Variants in ADAM18 observed in about 807,000 individuals in gnomAD.
ADAM18 encodes the protein ADAM metallopeptidase domain 18, also known as disintegrin and metalloproteinase domain-containing protein 18.
ADAM18 carries 117 observed loss-of-function variants against 94.4 expected under a neutral mutation model. The observed-to-expected ratio is 1.24, with a 90% CI of 1.07 to 1.45. ADAM18 has a LOEUF of 1.45. Ranked by LOEUF, ADAM18 falls within the 40% of genes most tolerant of loss-of-function variation. The pLI, the probability that ADAM18 is intolerant of heterozygous loss-of-function variation, is 0.00. For synonymous variants in ADAM18, 327 were observed against 291.6 expected, an observed-to-expected ratio of 1.12 and a Z score of -1.24; for missense variants, 936 against 880.0, an observed-to-expected ratio of 1.06 and a Z score of -0.81.
chr8:39,724,977 T>G (rs1474204073), intron 19 of ADAM18, among the ~76,000 whole-genome samples: 3 of 151,902 alleles, frequency 2.0e-5, no homozygotes, highest in Non-Finnish European at 4.4e-5. Flanking sequence ...AGAATTTTTA[T>G]AGGCCTAGTA....
At chr8:39,610,158 A>C (rs1413387349) in intron 5 of ADAM18, among the ~76,000 whole-genome samples, 1 of 152,158 alleles carries the variant, frequency 6.6e-6, no homozygotes, top group Non-Finnish European at 1.5e-5. Flanking sequence ...TATAGATAAC[A>C]ACCTCATTAG....
intron 18 of ADAM18, among the ~76,000 whole-genome samples, chr8:39,719,122 G>A (rs1391051231): frequency 6.6e-6 from 1 of 151,318 alleles, no homozygotes; most frequent in African/African-American, 2.4e-5. Context: ...AGTCAGCGTG[G>A]TACTGTCATT....
chr8:39,620,107 G>A (rs117967896), intron 6 of ADAM18, among the ~76,000 whole-genome samples: 1,938 of 151,514 alleles, frequency 0.013, 23 homozygotes, highest in Non-Finnish European at 0.018. Context: ...ATGTTGCCAA[G>A]AACTCACAAC....
At chr8:39,663,702 T>C in intron 12 of ADAM18, 93 bp from the exon 13 acceptor site, 1 of 750,446 alleles carries the variant, frequency 1.3e-6, no homozygotes, top group Non-Finnish European at 2.2e-6. Flanking sequence ...TACAAGTTTG[T>C]ACACAACAGA....
intron 18 of ADAM18, among the ~76,000 whole-genome samples, chr8:39,715,179 G>A (rs2129581584): frequency 6.6e-6 from 1 of 152,118 alleles, no homozygotes; most frequent in Middle Eastern, 3.4e-3. Flanking sequence ...AAAGAGAACT[G>A]TAAAGCCCTA....
chr8:39,627,652 A>AT (rs199918274), intron 6 of ADAM18, among the ~76,000 whole-genome samples: 129 of 151,148 alleles, frequency 8.5e-4, no homozygotes, highest in Middle Eastern at 3.4e-3. Context: ...TTGGTTTGTG[A>AT]TTTTTTTTTA....
chr8:39,653,928 T>C (rs952993250), intron 12 of ADAM18, among the ~76,000 whole-genome samples: 1 of 152,184 alleles, frequency 6.6e-6, no homozygotes, highest in East Asian at 1.9e-4. Context: ...TTATGTTTTC[T>C]ATTTAATTGT....
intron 18 of ADAM18, among the ~76,000 whole-genome samples, chr8:39,716,463 T>G (rs1822581992): frequency 6.6e-6 from 1 of 152,044 alleles, no homozygotes; most frequent in African/African-American, 2.4e-5. Context: ...ACAAAGATTG[T>G]TCACTAGTGT....
chr8:39,586,755 A>ACTATAT (rs1818405532), intron 2 of ADAM18, among the ~76,000 whole-genome samples: 1 of 147,430 alleles, frequency 6.8e-6, no homozygotes, highest in Non-Finnish European at 1.5e-5. Context: ...CAAACAAAAA[A>ACTATAT]CTATCTATCT....
intron 18 of ADAM18, among the ~76,000 whole-genome samples, chr8:39,722,249 A>G (rs1335921727): frequency 2.3e-4 from 15 of 65,040 alleles, no homozygotes; most frequent in Non-Finnish European, 2.1e-4. Context: ...ATATATATAT[A>G]TATATATATA....
intron 14 of ADAM18, among the ~76,000 whole-genome samples, chr8:39,672,006 A>T (rs561946722): frequency 2.0e-5 from 3 of 152,134 alleles, no homozygotes; most frequent in Non-Finnish European, 4.4e-5. Flanking sequence ...AGCATTTAAC[A>T]TACTGGCATG....
intron 7 of ADAM18, among the ~76,000 whole-genome samples, chr8:39,629,693 CCTCTTTCTTTCA>C (rs1819879801): frequency 6.6e-6 from 1 of 151,074 alleles, no homozygotes; most frequent in Non-Finnish European, 1.5e-5. Context: ...TTCCTTCCTT[CCTCTTTCTTTCA>C]CTCTTTCTTT....
At chr8:39,585,686 A>G (rs1818375836) in intron 2 of ADAM18, among the ~76,000 whole-genome samples, 1 of 152,232 alleles carries the variant, frequency 6.6e-6, no homozygotes, top group Non-Finnish European at 1.5e-5. Context: ...TGTCCAGTAA[A>G]TGATGTAGAA....
intron 17 of ADAM18, among the ~76,000 whole-genome samples, chr8:39,704,231 A>T (rs569705128): frequency 6.6e-6 from 1 of 152,192 alleles, no homozygotes; most frequent in Non-Finnish European, 1.5e-5. Context: ...TCCTGATACC[A>T]AAATCTGGCA....
chr8:39,630,629 G>A (rs1198085108), intron 7 of ADAM18, among the ~76,000 whole-genome samples: 1 of 151,770 alleles, frequency 6.6e-6, no homozygotes, highest in Non-Finnish European at 1.5e-5. Context: ...CATAACAGTA[G>A]TTTATTTCTT....
chr8:39,707,084 C>T (rs1822262120), intron 18 of ADAM18, among the ~76,000 whole-genome samples, 180 bp downstream of exon 18: 1 of 152,184 alleles, frequency 6.6e-6, no homozygotes, highest in South Asian at 2.1e-4. Flanking sequence ...GCACCAAGCT[C>T]TAAATGTACT....
intron 16 of ADAM18, among the ~76,000 whole-genome samples, chr8:39,681,355 T>C (rs1369297718): frequency 1.3e-5 from 2 of 152,266 alleles, no homozygotes; most frequent in Non-Finnish European, 2.9e-5. Flanking sequence ...GCTTTGCAAG[T>C]CGGACCAACA....
intron 17 of ADAM18, among the ~76,000 whole-genome samples, chr8:39,696,072 T>G (rs1364710650): frequency 6.6e-6 from 1 of 151,482 alleles, no homozygotes; most frequent in Non-Finnish European, 1.5e-5. Context: ...ATTTTTATTT[T>G]TTAATAATAA....
intron 12 of ADAM18, among the ~76,000 whole-genome samples, chr8:39,651,908 T>G (rs2129579701): frequency 6.6e-6 from 1 of 150,786 alleles, no homozygotes; most frequent in Admixed American, 6.6e-5. Flanking sequence ...AACACATAGA[T>G]CAATGAAACA....
Sources: allele counts gnomAD v4.1 joint callset (sites outside exome capture counted in the v4.1 genomes callset), GRCh38; gene constraint gnomAD v4.1.1; transcripts MANE v1.5; gene names NCBI Gene and HGNC (gene_info 2026-07-23, HGNC 2026-07-21).